CYLC2: variants seen among roughly 807,000 people sequenced by gnomAD.
CYLC2 encodes cylicin-2.
A neutral mutation model predicts 26.1 loss-of-function variants in CYLC2; 30 were observed. That is an observed-to-expected ratio of 1.15 (90% CI 0.86 to 1.56). The LOEUF is 1.56. Among genes scored for constraint, CYLC2 ranks in the 40% most tolerant of loss-of-function variants. The pLI is 0.00. For synonymous variants in CYLC2, 158 were observed against 132.8 expected, an observed-to-expected ratio of 1.19 and a Z score of -1.31; for missense variants, 498 against 394.4, an observed-to-expected ratio of 1.26 and a Z score of -2.23.
chr9:103,015,822 A>G (rs1319161942), intron 6 of CYLC2, among the ~76,000 whole-genome samples: 2 of 150,384 alleles, frequency 1.3e-5, no homozygotes, highest in Non-Finnish European at 3.0e-5. Context: ...TTTGTCCCCA[A>G]AATACCAATA....
chr9:103,001,130 G>A (rs1167023063), intron 1 of CYLC2, among the ~76,000 whole-genome samples: 1 of 151,742 alleles, frequency 6.6e-6, no homozygotes, highest in Non-Finnish European at 1.5e-5. Flanking sequence ...CTATTTTGAG[G>A]ATATGCTTTT....
Position 102,999,736 on chromosome 9 carries a change from T to A in CYLC2, c.18-1842T>A, listed in dbSNP as rs936288371. ...TATACTGAAATGATCAGATGATTTT[T>A]CTTATTTATTTTGTCAATTGGAATG... On this transcript the variant is annotated intron_variant, in intron 1 of 7. Coordinates refer to ENST00000374798, the MANE Select transcript of CYLC2 (RefSeq NM_001340.5). Among the ~76,000 whole-genome samples, 9 of 151,930 alleles carry A rather than the reference T, an allele frequency of 5.9e-5. 1 individual carries two copies. The highest frequency in any genetic ancestry group is 2.2e-4 in the African/African-American group (9 of 41,438).
At chr9:102,995,524 A>G (rs771813724) in intron 1 of CYLC2, 127 bp downstream of exon 1, 270 of 705,550 alleles carry the variant, frequency 3.8e-4, no homozygotes, top group Non-Finnish European at 5.9e-4. Flanking sequence ...AATGTGTTTA[A>G]GCAGACAAAG....
chr9:103,000,390 C>T lies in CYLC2; in HGVS notation c.18-1188C>T, dbSNP rs866617311. On this transcript the variant is annotated intron_variant, in intron 1 of 7. Transcript: ENST00000374798. ...ATCAAGTTTAATAGTGTTTCATGAACTTAAAATCTTTCCTCTTCGAGAGCA... is the reference window on the plus strand; with the variant it reads ...ATCAAGTTTAATAGTGTTTCATGAATTTAAAATCTTTCCTCTTCGAGAGCA... 2.5e-4 allele frequency among the ~76,000 whole-genome samples: 38 copies of T among 151,998 alleles called. 1 individual carries two copies. The highest frequency in any genetic ancestry group is 8.7e-4 in the African/African-American group (36 of 41,516).
rs745893716 is a variant in CYLC2, at chr9:103,004,968, G to A, written c.338-1G>A. Reference sequence around the variant, plus strand: ...AGAAATATTTGAATATTTATCCCCAGAAATTGGTAAGAAAGGTGAAGACAA... The same window carrying A: ...AGAAATATTTGAATATTTATCCCCAAAAATTGGTAAGAAAGGTGAAGACAA... On this transcript the variant is annotated splice_acceptor_variant, in intron 4 of 7. Transcript: ENST00000374798. LOFTEE classifies it high-confidence loss of function. 2 of 1,578,866 alleles carry A rather than the reference G, an allele frequency of 1.3e-6. No homozygotes were observed. The highest frequency in any genetic ancestry group is 2.4e-5 in the South Asian group (2 of 84,404).
chr9:103,009,501 T>A (rs542793896), intron 5 of CYLC2, among the ~76,000 whole-genome samples: 1 of 152,194 alleles, frequency 6.6e-6, no homozygotes, highest in African/African-American at 2.4e-5. Flanking sequence ...TATCAGAGAC[T>A]AGATGTTAAT....
intron 1 of CYLC2, among the ~76,000 whole-genome samples, chr9:102,995,707 T>C (rs1265254073): frequency 6.6e-6 from 1 of 151,940 alleles, no homozygotes; most frequent in Non-Finnish European, 1.5e-5. Flanking sequence ...AAATAATTCA[T>C]GATTTTCAGT....
intron 2 of CYLC2, among the ~76,000 whole-genome samples, chr9:103,002,543 G>C (rs757995445): frequency 6.6e-6 from 1 of 151,262 alleles, no homozygotes; most frequent in African/African-American, 2.4e-5. Context: ...TAGTAGAGAC[G>C]GGGTTTCACC....
At chr9:103,000,822 T>G (rs978998978) in intron 1 of CYLC2, among the ~76,000 whole-genome samples, 3 of 152,012 alleles carry the variant, frequency 2.0e-5, no homozygotes, top group African/African-American at 7.2e-5. Context: ...AATGAAACAA[T>G]GTAAAATAAT....
At chr9:103,011,493 G>T (rs950614491) in intron 5 of CYLC2, among the ~76,000 whole-genome samples, 2 of 152,030 alleles carry the variant, frequency 1.3e-5, no homozygotes, top group Non-Finnish European at 2.9e-5. Flanking sequence ...ATTCTGTAAT[G>T]GTACTTGAAA....
rs13291989 is a variant in CYLC2, at chr9:103,018,336, G to A, written c.*902G>A. On this transcript the variant is annotated 3_prime_UTR_variant, in exon 8 of 8. Transcript: ENST00000374798. ...TGATTGTGTTCCAGGACTACCGTGA[G>A]GATGGATTGGACATTACACCACACT... is the stretch of plus-strand genomic sequence containing the variant. The A allele has an allele frequency of 0.67, 101,182 of 151,794 alleles. 34,008 individuals carry two copies. Among genetic ancestry groups the A allele is most frequent in the South Asian group, 0.82 (3,968 of 4,830 alleles). 9.4% of individuals were successfully genotyped at this position (151,794 alleles called of 1,614,324 possible).
chr9:103,008,490 T>C lies in CYLC2; in HGVS notation c.*700+2112T>C, dbSNP rs1252271235. 4.6e-5 allele frequency among the ~76,000 whole-genome samples: 7 copies of C among 152,174 alleles called. No individual in the cohort carries two copies. The East Asian group carries it at 1.4e-3, about 29-fold the overall frequency. Reference sequence around the variant, plus strand: ...CATATTCCCATATCCAAATACTTACTTAAGCACCTAGTTGACTAGCTTCCA... The same window carrying C: ...CATATTCCCATATCCAAATACTTACCTAAGCACCTAGTTGACTAGCTTCCA... On this transcript the variant is annotated intron_variant, in intron 5 of 7. Coordinates refer to ENST00000374798, the MANE Select transcript of CYLC2 (RefSeq NM_001340.5).
chr9:102,998,918 AAAGTTTCTAT>A (rs942874019), intron 1 of CYLC2, among the ~76,000 whole-genome samples: 1 of 151,876 alleles, frequency 6.6e-6, no homozygotes, highest in African/African-American at 2.4e-5. Flanking sequence ...TGTATTCATT[AAAGTTTCTAT>A]ATTGCACATA....
chr9:103,015,409 T>C (rs888145962), intron 6 of CYLC2, among the ~76,000 whole-genome samples: 3 of 135,216 alleles, frequency 2.2e-5, no homozygotes, highest in South Asian at 4.3e-4. Flanking sequence ...GCTTATTATA[T>C]ATTATATATT....
At chr9:103,014,911 T>C (rs1245563055) in intron 6 of CYLC2, among the ~76,000 whole-genome samples, 1 of 133,080 alleles carries the variant, frequency 7.5e-6, no homozygotes, top group Non-Finnish European at 1.6e-5. Flanking sequence ...ATATATGTAA[T>C]ATACATAATA....
intron 6 of CYLC2, among the ~76,000 whole-genome samples, chr9:103,014,766 CGTATGTATATTATGCAATATACATATG>C (rs1829475719): frequency 8.0e-5 from 2 of 24,850 alleles, no homozygotes; most frequent in African/African-American, 1.6e-4. Context: ...ATGTAATATA[CGTATGTATATTATGCAATATACATATG>C]TAATATACGT....
chr9:103,007,031 T>C (rs141253541), intron 5 of CYLC2, among the ~76,000 whole-genome samples: 97 of 152,250 alleles, frequency 6.4e-4, no homozygotes, highest in African/African-American at 2.2e-3. Flanking sequence ...ACGATAAATA[T>C]GCTTTTACTG....
chr9:103,015,166 T>C (rs1332129787), intron 6 of CYLC2, among the ~76,000 whole-genome samples: 1 of 46,054 alleles, frequency 2.2e-5, no homozygotes, highest in Admixed American at 3.6e-4. Flanking sequence ...ATACATAACA[T>C]GTATATCACG....
chr9:103,005,207 T>A lies in CYLC2; in HGVS notation c.576T>A (p.Asp192Glu). 1 of 1,607,906 alleles carries A rather than the reference T, an allele frequency of 6.2e-7. No individual in the cohort carries two copies. The highest frequency in any genetic ancestry group is 1.3e-5 in the African/African-American group (1 of 74,136). The change falls in exon 5 of 8, where the codon GAT becomes GAA. Residue 192 changes from aspartate (D) to glutamate (E), a missense_variant. Asp to Glu is a conservative substitution (Grantham distance 45). Transcript: ENST00000374798. ...GTGCAAAGAAAGATAACAAAAAAGATAAAAAGGATTCAAACAAAGGCAAAG... is the reference window on the plus strand; with the variant it reads ...GTGCAAAGAAAGATAACAAAAAAGAAAAAAAGGATTCAAACAAAGGCAAAG... Reference protein sequence around the residue: ...KGGAKKDNKKDKKDSNKGKDS... With the variant: ...KGGAKKDNKKEKKDSNKGKDS...
Sources: allele counts gnomAD v4.1 joint callset (sites outside exome capture counted in the v4.1 genomes callset), GRCh38; gene constraint gnomAD v4.1.1; transcripts MANE v1.5; gene names NCBI Gene and HGNC (gene_info 2026-07-23, HGNC 2026-07-21).